PTPRK: variants seen among roughly 807,000 people sequenced by gnomAD.
The protein encoded by PTPRK is protein tyrosine phosphatase receptor type K.
In PTPRK, 75 loss-of-function variants were observed where a neutral mutation model predicts 178.0. The ratio of observed to expected loss-of-function variants is 0.42; its 90% CI spans 0.35 to 0.51. The LOEUF (loss-of-function observed/expected upper bound fraction) is 0.51. Among genes scored for constraint, PTPRK ranks in the 20% least tolerant of loss-of-function variants. The pLI is 0.02. For synonymous variants in PTPRK, 637 were observed against 620.6 expected (o/e 1.03, Z -0.39); for missense variants, 1,441 against 1,797.8 (o/e 0.80, Z 3.59).
chr6:127,992,609 A>C (rs1776734907), intron 19 of PTPRK, 64 bp downstream of exon 19: 2 of 1,378,636 alleles, frequency 1.5e-6, no homozygotes, highest in Non-Finnish European at 1.0e-6. Context: ...AATAATAAAA[A>C]CCACCACATA....
intron 2 of PTPRK, among the ~76,000 whole-genome samples, chr6:128,325,849 G>C (rs1031649376): frequency 6.6e-6 from 1 of 152,022 alleles, no homozygotes; most frequent in African/African-American, 2.4e-5. Flanking sequence ...AAATCATTCT[G>C]CTACAAAGAC....
intron 2 of PTPRK, among the ~76,000 whole-genome samples, chr6:128,354,247 T>C (rs1388944742): frequency 9.2e-6 from 1 of 109,096 alleles, no homozygotes; most frequent in African/African-American, 3.5e-5. Context: ...TTTTTTTTTT[T>C]TTTTTTTTGA....
At chr6:128,223,262 G>C (rs1272983799) in intron 5 of PTPRK, among the ~76,000 whole-genome samples, 1 of 151,790 alleles carries the variant, frequency 6.6e-6, no homozygotes, top group Non-Finnish European at 1.5e-5. Flanking sequence ...TTAGAGACAA[G>C]AGTCACATAA....
intron 2 of PTPRK, among the ~76,000 whole-genome samples, chr6:128,356,331 C>T (rs1455581396): frequency 6.6e-6 from 1 of 152,154 alleles, no homozygotes; most frequent in East Asian, 1.9e-4. Context: ...AAGGTATAAT[C>T]AACGGACTTC....
At chr6:128,129,666 G>A (rs17055348) in intron 7 of PTPRK, among the ~76,000 whole-genome samples, 3,873 of 152,212 alleles carry the variant, frequency 0.025, 76 homozygotes, top group Middle Eastern at 0.095. Flanking sequence ...AAAACAGTGT[G>A]TACAGACGAA....
intron 7 of PTPRK, among the ~76,000 whole-genome samples, chr6:128,162,930 T>C (rs1048262137): frequency 6.6e-6 from 1 of 151,752 alleles, no homozygotes; most frequent in Admixed American, 6.6e-5. Flanking sequence ...AACCTAACTT[T>C]CTACTTATTT....
rs1016365956 is a variant in PTPRK at position 128,403,213 on chromosome 6, C to T, written c.101-5525G>A. Among the ~76,000 whole-genome samples the T allele has an allele frequency of 9.9e-5, 15 of 152,124 alleles. No homozygotes were observed. In the East Asian group the frequency reaches 2.3e-3, roughly 23 times the overall value. On this transcript the variant is annotated intron_variant, in intron 1 of 29. Coordinates refer to ENST00000368226, the MANE Select transcript of PTPRK (RefSeq NM_002844.4). The stretch of plus-strand genomic sequence containing the variant: ...ACTTCTATTCAAACTGTATATTATT[C>T]GAAGCAGATGCTCCACTCCAACTAA...
intron 5 of PTPRK, among the ~76,000 whole-genome samples, chr6:128,224,895 G>A (rs1168972069): frequency 8.5e-5 from 13 of 152,186 alleles, no homozygotes; most frequent in Admixed American, 8.5e-4. Context: ...ATCAGGCAGA[G>A]AGACAGAGGA....
intron 2 of PTPRK, among the ~76,000 whole-genome samples, chr6:128,380,195 A>T (rs1057138550): frequency 6.6e-6 from 1 of 152,168 alleles, no homozygotes; most frequent in African/African-American, 2.4e-5. Flanking sequence ...GAGAGAAAAA[A>T]ATTCACACAA....
chr6:128,284,109 T>TA lies in PTPRK; in HGVS notation c.495+37929dup, dbSNP rs552492280. 2.0e-5 allele frequency among the ~76,000 whole-genome samples: 3 copies of TA among 152,304 alleles called. No homozygotes were observed. In the East Asian group the frequency reaches 5.8e-4, roughly 29 times the overall value. On this transcript the variant is annotated intron_variant, in intron 3 of 29. Transcript: ENST00000368226. ...CACAGTCTGGCTCCATTCAGCCTCT[T>TA]ATGTTCTCAATTTCTGTTCCAAAAC... is the stretch of plus-strand genomic sequence containing the variant.
chr6:128,464,620 C>CATATATATATATACACACACATATATAT (rs1849513613), intron 1 of PTPRK, among the ~76,000 whole-genome samples: 1 of 88,824 alleles, frequency 1.1e-5, no homozygotes, highest in African/African-American at 4.2e-5. Context: ...TATACATATA[C>CATATATATATATACACACACATATATAT]ATATATATAT....
intron 2 of PTPRK, among the ~76,000 whole-genome samples, chr6:128,363,706 T>G: frequency 6.6e-6 from 1 of 152,136 alleles, no homozygotes; most frequent in East Asian, 1.9e-4. Context: ...ATCTACTAGG[T>G]TTACCCCTAA....
intron 3 of PTPRK, among the ~76,000 whole-genome samples, chr6:128,293,407 G>A (rs1414071489): frequency 3.3e-5 from 5 of 151,956 alleles, no homozygotes; most frequent in Non-Finnish European, 7.4e-5. Flanking sequence ...AACCCCACAA[G>A]CCAACACCTT....
At chr6:128,100,328 T>A (rs1788582870) in intron 7 of PTPRK, among the ~76,000 whole-genome samples, 1 of 151,942 alleles carries the variant, frequency 6.6e-6, no homozygotes, top group South Asian at 2.1e-4. Flanking sequence ...TGAAGACAAA[T>A]TTTTTTAAAT....
chr6:128,144,575 A>G (rs1796217572), intron 7 of PTPRK, among the ~76,000 whole-genome samples: 3 of 152,122 alleles, frequency 2.0e-5, no homozygotes, highest in African/African-American at 7.2e-5. Flanking sequence ...TCTCAAAACA[A>G]GATCTTGCCA....
intron 1 of PTPRK, among the ~76,000 whole-genome samples, chr6:128,432,212 T>C (rs935241832): frequency 6.6e-6 from 1 of 152,202 alleles, no homozygotes; most frequent in Non-Finnish European, 1.5e-5. Flanking sequence ...ACAAAATAGG[T>C]AGACTGTGAT....
At chr6:128,433,588 T>G (rs1845121941) in intron 1 of PTPRK, among the ~76,000 whole-genome samples, 1 of 152,074 alleles carries the variant, frequency 6.6e-6, no homozygotes, top group Non-Finnish European at 1.5e-5. Context: ...AGATTTCAGC[T>G]CATTGCAACC....
chr6:128,452,623 A>G (rs753511550), intron 1 of PTPRK, among the ~76,000 whole-genome samples: 5 of 152,178 alleles, frequency 3.3e-5, no homozygotes, highest in African/African-American at 1.2e-4. Context: ...CTATTGAAAA[A>G]TCACAGCAAA....
At chr6:128,390,322 C>T (rs907229263) in intron 2 of PTPRK, among the ~76,000 whole-genome samples, 11 of 152,104 alleles carry the variant, frequency 7.2e-5, no homozygotes, top group Non-Finnish European at 1.2e-4. Context: ...CTAAAAATAA[C>T]ATACACATAA....
Sources: gnomAD v4.1 joint callset for allele counts (sites outside exome capture counted in the v4.1 genomes callset) on GRCh38, gnomAD v4.1.1 for gene constraint, MANE v1.5 for transcripts, NCBI Gene and HGNC (gene_info 2026-07-23, HGNC 2026-07-21) for gene names.